Variants in BBS9 observed in about 807,000 individuals in gnomAD.
BBS9 encodes the protein protein PTHB1.
Under a neutral mutation model 117.7 loss-of-function variants are expected in BBS9, and 89 were observed. That is an observed-to-expected ratio of 0.76 (90% CI 0.64 to 0.90). The LOEUF (loss-of-function observed/expected upper bound fraction) is 0.90, where lower values mean the gene tolerates loss of function less well. Ranked by LOEUF, BBS9 falls within the 40% of genes least tolerant of loss-of-function variation. The probability of loss-of-function intolerance (pLI) is 0.00; values close to 1 mark genes in which losing one functional copy is unlikely to be tolerated. For synonymous variants in BBS9, 379 were observed against 370.9 expected, an observed-to-expected ratio of 1.02 and a Z score of -0.25; for missense variants, 982 against 1,042.2, an observed-to-expected ratio of 0.94 and a Z score of 0.80.
intron 4 of BBS9, among the ~76,000 whole-genome samples, chr7:33,164,981 C>T (rs564404877): frequency 6.6e-6 from 1 of 152,208 alleles, no homozygotes; most frequent in African/African-American, 2.4e-5. Context: ...CTTTCCTTTC[C>T]ATGTTTAGTG....
intron 19 of BBS9, among the ~76,000 whole-genome samples, chr7:33,481,513 A>G (rs1671443386): frequency 6.6e-6 from 1 of 152,220 alleles, no homozygotes; most frequent in Non-Finnish European, 1.5e-5. Flanking sequence ...TGCATGAACA[A>G]AGCAGTGTAC....
intron 9 of BBS9, among the ~76,000 whole-genome samples, chr7:33,276,671 A>C (rs79514017): frequency 0.038 from 5,801 of 152,294 alleles, 199 homozygotes; most frequent in African/African-American, 0.089. Context: ...AAACAGCATA[A>C]ACTAGCAAGA....
chr7:33,281,415 C>G (rs973318573), intron 9 of BBS9, among the ~76,000 whole-genome samples: 1 of 136,810 alleles, frequency 7.3e-6, no homozygotes, highest in African/African-American at 2.7e-5. Flanking sequence ...ACTCTGTTTC[C>G]CAGGCTGGAG....
At chr7:33,488,361 T>G (rs1843399802) in intron 19 of BBS9, among the ~76,000 whole-genome samples, 1 of 152,188 alleles carries the variant, frequency 6.6e-6, no homozygotes, top group African/African-American at 2.4e-5. Flanking sequence ...ATTTTGCATT[T>G]TTTCCTCATA....
At chr7:33,593,247 G>T (rs770508806) in intron 21 of BBS9, among the ~76,000 whole-genome samples, 7 of 152,052 alleles carry the variant, frequency 4.6e-5, no homozygotes, top group Non-Finnish European at 7.4e-5. Flanking sequence ...TGATCAAATG[G>T]CAAGGAAAAG....
At chr7:33,604,672 G>A (rs1864308721) in intron 21 of BBS9, among the ~76,000 whole-genome samples, 193 bp from the exon 22 acceptor site, 1 of 152,118 alleles carries the variant, frequency 6.6e-6, no homozygotes. Flanking sequence ...TATGTCTTTA[G>A]GGGCAGTAAT....
At chr7:33,451,433 A>G (rs1383665150) in intron 19 of BBS9, among the ~76,000 whole-genome samples, 3 of 152,062 alleles carry the variant, frequency 2.0e-5, no homozygotes, top group Admixed American at 6.5e-5. Context: ...TTTTCTCAAT[A>G]TTATTTGTAG....
chr7:33,632,472 C>G (rs1468805811), intron 21 of BBS9, among the ~76,000 whole-genome samples: 1 of 152,238 alleles, frequency 6.6e-6, no homozygotes, highest in African/African-American at 2.4e-5. Context: ...CCCCTCCAGC[C>G]GCGCTCCACC....
At chr7:33,375,540 G>A (rs961081535) in intron 17 of BBS9, among the ~76,000 whole-genome samples, 3 of 150,486 alleles carry the variant, frequency 2.0e-5, no homozygotes, top group African/African-American at 4.9e-5. Flanking sequence ...AGCAAAAAAT[G>A]TTGTTGTGTT....
intron 19 of BBS9, among the ~76,000 whole-genome samples, chr7:33,418,522 C>T (rs1015834271): frequency 2.6e-5 from 4 of 152,150 alleles, no homozygotes; most frequent in Admixed American, 1.3e-4. Flanking sequence ...AAACCATTTT[C>T]GCTCAATTAG....
chr7:33,601,770 C>T (rs1863833317), intron 21 of BBS9, among the ~76,000 whole-genome samples: 1 of 152,146 alleles, frequency 6.6e-6, no homozygotes, highest in Non-Finnish European at 1.5e-5. Flanking sequence ...TCATCAGAAG[C>T]AGCATCTGAA....
chr7:33,231,198 C>A (rs1315114423), intron 5 of BBS9, among the ~76,000 whole-genome samples: 1 of 151,600 alleles, frequency 6.6e-6, no homozygotes, highest in African/African-American at 2.4e-5. Context: ...GAGATGGGGT[C>A]TCACTATGTT....
intron 14 of BBS9, chr7:33,351,853 A>G (rs1443400708): frequency 5.9e-6 from 1 of 169,216 alleles, no homozygotes; most frequent in South Asian, 1.4e-4. Context: ...CCATTTCCCC[A>G]GTGCGCTCGC....
chr7:33,635,617 G>A (rs1866106060), exon 22 of BBS9, among the ~76,000 whole-genome samples: 1 of 152,180 alleles, frequency 6.6e-6, no homozygotes, highest in Non-Finnish European at 1.5e-5. Flanking sequence ...TCTGTGCTTT[G>A]ACTGACTCCA....
chr7:33,570,246 G>C (rs1857565912), intron 21 of BBS9, among the ~76,000 whole-genome samples: 1 of 152,142 alleles, frequency 6.6e-6, no homozygotes, highest in South Asian at 2.1e-4. Context: ...CACAAGATGA[G>C]CCAGAAGCAT....
intron 9 of BBS9, among the ~76,000 whole-genome samples, chr7:33,333,157 A>G (rs886177990): frequency 6.6e-6 from 1 of 152,240 alleles, no homozygotes; most frequent in East Asian, 1.9e-4. Flanking sequence ...TGCACCTGTC[A>G]TCGAGAAGTA....
intron 5 of BBS9, among the ~76,000 whole-genome samples, chr7:33,255,258 C>T (rs1389716733): frequency 6.6e-6 from 1 of 151,784 alleles, no homozygotes; most frequent in East Asian, 1.9e-4. Flanking sequence ...CATATGTTTA[C>T]CTTCTGGAAG....
chr7:33,492,811 AGTGTGTGTGTGTGTGTGTGT>A (rs57870306), intron 19 of BBS9, among the ~76,000 whole-genome samples: 19 of 131,670 alleles, frequency 1.4e-4, no homozygotes, highest in South Asian at 1.3e-3. Context: ...TATAGGAGTG[AGTGTGTGTGTGTGTGTGTGT>A]GTGTGTGTGT....
At chr7:33,305,447 C>T (rs1217022873) in intron 9 of BBS9, among the ~76,000 whole-genome samples, 1 of 152,074 alleles carries the variant, frequency 6.6e-6, no homozygotes, top group Non-Finnish European at 1.5e-5. Flanking sequence ...GGAAGTATTC[C>T]TTCCTCCTCT....
Sources: allele counts gnomAD v4.1 joint callset (sites outside exome capture counted in the v4.1 genomes callset), GRCh38; gene constraint gnomAD v4.1.1; transcripts MANE v1.5; gene names NCBI Gene and HGNC (gene_info 2026-07-23, HGNC 2026-07-21).